SNCAIP: variants seen among roughly 807,000 people sequenced by gnomAD.
SNCAIP encodes the protein synuclein alpha interacting protein.
Under a neutral mutation model 86.7 loss-of-function variants are expected in SNCAIP, and 43 were observed. The observed-to-expected ratio is 0.50, with a 90% CI of 0.39 to 0.64. The LOEUF is 0.64. SNCAIP is among the 30% of genes least tolerant of loss of function. The probability of loss-of-function intolerance (pLI) is 0.00; values close to 1 mark genes in which losing one functional copy is unlikely to be tolerated. For synonymous variants in SNCAIP, 417 were observed against 427.2 expected (o/e 0.98, Z 0.29); for missense variants, 981 against 1,103.1 (o/e 0.89, Z 1.57).
rs1466971935 is a variant in SNCAIP at position 122,391,119 on chromosome 5, T to A, written c.-16T>A. On this transcript the variant is annotated 5_prime_UTR_variant, in exon 2 of 11. An upstream start codon of the reference 5' UTR is lost. Coordinates refer to ENST00000261368, the MANE Select transcript of SNCAIP (RefSeq NM_005460.4). ...TATAAGTATTTGACCGTACTCAAAATGTGCAAGGAAGAATAATGGAAGCCC... is the reference window on the plus strand; with the variant it reads ...TATAAGTATTTGACCGTACTCAAAAAGTGCAAGGAAGAATAATGGAAGCCC... The A allele has an allele frequency of 3.1e-6, 5 of 1,605,266 alleles. No homozygotes were observed. In the Admixed American group the frequency reaches 6.7e-5, roughly 21 times the overall value.
intron 3 of SNCAIP, among the ~76,000 whole-genome samples, chr5:122,420,808 C>T (rs969261066): frequency 3.9e-5 from 6 of 152,148 alleles, no homozygotes; most frequent in Non-Finnish European, 7.4e-5. Context: ...TAGAAAACTT[C>T]TTAAATTTAT....
At chr5:122,377,923 G>A (rs1332204270) in intron 1 of SNCAIP, among the ~76,000 whole-genome samples, 2 of 151,806 alleles carry the variant, frequency 1.3e-5, no homozygotes, top group Admixed American at 6.6e-5. Flanking sequence ...CCACATTTTC[G>A]CAATCCAGTC....
chr5:122,394,544 C>T (rs185250587), intron 2 of SNCAIP, among the ~76,000 whole-genome samples: 43 of 152,272 alleles, frequency 2.8e-4, no homozygotes, highest in Middle Eastern at 3.4e-3. Flanking sequence ...GGAGAGATGA[C>T]GACACATAAG....
At chr5:122,444,208 T>A in intron 7 of SNCAIP, 1 of 473,204 alleles carries the variant, frequency 2.1e-6, no homozygotes, top group Non-Finnish European at 4.2e-6. Flanking sequence ...AAGATTCCAG[T>A]CTCCCCCTCT....
In SNCAIP at chr5:122,423,219, C is replaced by G. The variant is rs1776743008; in HGVS notation, c.482C>G (p.Ser161Cys). Residue 161 changes from serine (S) to cysteine (C), a missense_variant, in exon 4 of 11, where the codon TCC becomes TGC. Physicochemically the swap from Ser to Cys is moderately radical, Grantham distance 112 (BLOSUM62 -1). Coordinates refer to ENST00000261368, the MANE Select transcript of SNCAIP (RefSeq NM_005460.4). ...DEILDVPYIK[S>C]SQQLASFTKV... is the part of the protein sequence containing the mutation. Reference sequence around the variant, plus strand: ...ATTCTGGATGTGCCTTATATTAAATCCAGTCAGCAGCTTGCCTCTTTTACC... The same window carrying G: ...ATTCTGGATGTGCCTTATATTAAATGCAGTCAGCAGCTTGCCTCTTTTACC... 1.2e-6 allele frequency: 2 copies of G among 1,614,144 alleles called. No individual in the cohort carries two copies. The highest frequency in any genetic ancestry group is 1.7e-6 in the Non-Finnish European group (2 of 1,180,012).
At chr5:122,315,467 G>A (rs545386741) in intron 1 of SNCAIP, among the ~76,000 whole-genome samples, 1 of 152,150 alleles carries the variant, frequency 6.6e-6, no homozygotes, top group Non-Finnish European at 1.5e-5. Context: ...AAGTCAGAAG[G>A]TTACCCCAGA....
intron 10 of SNCAIP, among the ~76,000 whole-genome samples, chr5:122,456,662 G>A (rs1354638659): frequency 1.3e-5 from 2 of 152,146 alleles, no homozygotes; most frequent in African/African-American, 4.8e-5. Flanking sequence ...CTGAACAAAT[G>A]TCTCCTTGCC....
intron 3 of SNCAIP, among the ~76,000 whole-genome samples, chr5:122,413,907 A>AT (rs1008969087): frequency 1.2e-4 from 18 of 152,046 alleles, no homozygotes; most frequent in African/African-American, 2.2e-4. Flanking sequence ...AGGTTGGGGG[A>AT]TTTTTTTGTT....
At chr5:122,455,640 T>C (rs1343372854) in intron 10 of SNCAIP, among the ~76,000 whole-genome samples, 1 of 152,124 alleles carries the variant, frequency 6.6e-6, no homozygotes, top group African/African-American at 2.4e-5. Flanking sequence ...CAGGAATACA[T>C]TGGAATTCCA....
intron 1 of SNCAIP, among the ~76,000 whole-genome samples, chr5:122,370,402 A>G (rs1228047572): frequency 2.0e-5 from 3 of 151,956 alleles, no homozygotes; most frequent in African/African-American, 7.2e-5. Flanking sequence ...ATGTAATACA[A>G]TGTAACATAT....
intron 1 of SNCAIP, among the ~76,000 whole-genome samples, chr5:122,351,564 A>AAAAAAAAAAAAAAAAAAAAT (rs1759837863): frequency 6.9e-6 from 1 of 144,564 alleles, no homozygotes; most frequent in Non-Finnish European, 1.5e-5. Context: ...AAAAAAAAAA[A>AAAAAAAAAAAAAAAAAAAAT]AAGAACTAAT....
chr5:122,355,419 T>C (rs906568116), intron 1 of SNCAIP, among the ~76,000 whole-genome samples: 1 of 152,172 alleles, frequency 6.6e-6, no homozygotes, highest in Non-Finnish European at 1.5e-5. Context: ...TGGTACATAA[T>C]GAACCCCCAT....
At chr5:122,421,928 C>A (rs1776437356) in intron 3 of SNCAIP, among the ~76,000 whole-genome samples, 1 of 149,166 alleles carries the variant, frequency 6.7e-6, no homozygotes, top group African/African-American at 2.5e-5. Context: ...CTGGCTGTTT[C>A]ACTTTCTACT....
intron 1 of SNCAIP, chr5:122,336,769 T>A (rs1235765242): frequency 1.3e-5 from 2 of 152,340 alleles, no homozygotes; most frequent in Non-Finnish European, 2.9e-5. Context: ...CCCAGATGAT[T>A]TTTTTGTATT....
chr5:122,391,471 T>C (rs1243345982), intron 2 of SNCAIP, among the ~76,000 whole-genome samples: 1 of 152,234 alleles, frequency 6.6e-6, no homozygotes, highest in Non-Finnish European at 1.5e-5. Flanking sequence ...TGATTGAGTA[T>C]ACTTACAAAA....
rs568936802 is a variant in SNCAIP, at chr5:122,318,830, C to T, written c.-47+6546C>T. On this transcript the variant is annotated intron_variant, in intron 1 of 10. Coordinates refer to ENST00000261368, the MANE Select transcript of SNCAIP (RefSeq NM_005460.4). ...AGAGACCAGATAAGGAATCCTTTTC[C>T]CCCTATCATCAGAGAGGATATTTAA... is the stretch of plus-strand genomic sequence containing the variant. Among the ~76,000 whole-genome samples the T allele has an allele frequency of 5.3e-5, 8 of 152,210 alleles. No individual in the cohort carries two copies. In the South Asian group the frequency reaches 1.0e-3, roughly 20 times the overall value.
intron 3 of SNCAIP, among the ~76,000 whole-genome samples, chr5:122,412,841 A>C (rs1301584037): frequency 6.6e-6 from 1 of 152,326 alleles, no homozygotes; most frequent in East Asian, 1.9e-4. Flanking sequence ...GAAACATCTC[A>C]TCAGGCGCTG....
intron 10 of SNCAIP, among the ~76,000 whole-genome samples, chr5:122,459,448 G>A (rs1036330006): frequency 3.3e-5 from 5 of 152,164 alleles, no homozygotes; most frequent in Non-Finnish European, 4.4e-5. Context: ...ATGAAATAGA[G>A]GAGTAGCAAA....
chr5:122,358,407 A>G (rs1308570044), intron 1 of SNCAIP, among the ~76,000 whole-genome samples: 1 of 129,460 alleles, frequency 7.7e-6, no homozygotes. Context: ...ATATTTAATC[A>G]TTGTAATGGG....
Sources: gnomAD v4.1 joint callset for allele counts (sites outside exome capture counted in the v4.1 genomes callset) on GRCh38, gnomAD v4.1.1 for gene constraint, MANE v1.5 for transcripts, NCBI Gene and HGNC (gene_info 2026-07-23, HGNC 2026-07-21) for gene names.